The following CMIP variants were observed in gnomAD, a reference collection of about 807,000 sequenced individuals.
CMIP encodes the protein c-Maf inducing protein, also known as C-Maf-inducing protein.
Under a neutral mutation model 97.3 loss-of-function variants are expected in CMIP, and 13 were observed. That is an observed-to-expected ratio of 0.13 (90% CI 0.09 to 0.21). CMIP has a LOEUF of 0.21. CMIP is among the 10% of genes least tolerant of loss of function. The pLI, the probability that CMIP is intolerant of heterozygous loss-of-function variation, is 1.00. For missense variants in CMIP, 847 were observed against 1,024.9 expected, an observed-to-expected ratio of 0.83 and a Z score of 2.37; for synonymous variants, 538 against 436.3, an observed-to-expected ratio of 1.23 and a Z score of -2.91.
chr16:81,667,799 A>AGAGAGAGAGAGAGAGAGGGTGTGT, intron 7 of CMIP, among the ~76,000 whole-genome samples: 1 of 58,096 alleles, frequency 1.7e-5, no homozygotes, highest in Non-Finnish European at 3.2e-5. Flanking sequence ...AGAGAGAGAG[A>AGAGAGAGAGAGAGAGAGGGTGTGT]GTGTGTGTGT....
chr16:81,597,861 C>A (rs571655407), intron 1 of CMIP, among the ~76,000 whole-genome samples: 4 of 152,218 alleles, frequency 2.6e-5, no homozygotes, highest in African/African-American at 9.6e-5. Flanking sequence ...TGTCTCCCCC[C>A]CAGCTTGATG....
intron 1 of CMIP, among the ~76,000 whole-genome samples, chr16:81,486,590 G>A (rs1044847966): frequency 3.2e-4 from 48 of 152,194 alleles, no homozygotes; most frequent in Admixed American, 8.5e-4. Context: ...CTCCAGTCCC[G>A]CAGAGTTTCC....
At chr16:81,610,481 C>A (rs2091812995) in intron 2 of CMIP, 2 of 985,768 alleles carry the variant, frequency 2.0e-6, no homozygotes, top group African/African-American at 3.5e-5. Context: ...GAGCCGGACT[C>A]CGAGCTAATG....
rs371411297 is a variant in CMIP at position 81,546,197 on chromosome 16, A to G, written c.301-61370A>G. ...GCCAGGAGGCAGGGAATGGCAGCCC[A>G]GGGAAATGAGGAATCCCGATCCTTC... On this transcript the variant is annotated intron_variant, in intron 1 of 20. Transcript: ENST00000537098. Among the ~76,000 whole-genome samples the G allele has an allele frequency of 5.4e-4, 83 of 152,318 alleles. No homozygotes were observed. The Middle Eastern group carries it at 0.01, about 19-fold the overall frequency.
In CMIP at chr16:81,647,184, G is replaced by A. The variant is rs374604968; in HGVS notation, c.478-5019G>A. Among the ~76,000 whole-genome samples, 7 of 152,252 alleles carry A rather than the reference G, an allele frequency of 4.6e-5. No homozygotes were observed. In the South Asian group the frequency reaches 6.2e-4, roughly 14 times the overall value. On this transcript the variant is annotated intron_variant, in intron 3 of 20. Transcript: ENST00000537098. ...GAAGTCGTATCTCTTTATGGTTTTA[G>A]CTTGCGTTTTCCCGAGGGCTAATGA...
chr16:81,639,687 C>G (rs1006367010), intron 3 of CMIP, among the ~76,000 whole-genome samples: 1 of 152,168 alleles, frequency 6.6e-6, no homozygotes, highest in Admixed American at 6.5e-5. Flanking sequence ...TTGGCTGTTA[C>G]GAATGACGCT....
intron 3 of CMIP, among the ~76,000 whole-genome samples, chr16:81,643,915 A>G (rs1029513882): frequency 3.3e-5 from 5 of 152,160 alleles, no homozygotes; most frequent in Non-Finnish European, 7.4e-5. Context: ...CAGACAGCCT[A>G]GTTTCTCAGG....
chr16:81,622,798 T>C (rs1310895681), intron 3 of CMIP, among the ~76,000 whole-genome samples: 1 of 152,200 alleles, frequency 6.6e-6, no homozygotes, highest in African/African-American at 2.4e-5. Context: ...ATTTGTGAAA[T>C]CTGTGAGTAT....
intron 3 of CMIP, among the ~76,000 whole-genome samples, chr16:81,649,422 T>G (rs2092402323): frequency 6.6e-6 from 1 of 152,256 alleles, no homozygotes; most frequent in Non-Finnish European, 1.5e-5. Flanking sequence ...TGCCTCAGAC[T>G]GGTTGCCTCT....
At chr16:81,460,326 TGCCATGGGTGGGTGGCGTCCCTCA>T (rs1180911766) in intron 1 of CMIP, among the ~76,000 whole-genome samples, 1 of 152,126 alleles carries the variant, frequency 6.6e-6, no homozygotes, top group Non-Finnish European at 1.5e-5. Flanking sequence ...TGCCAGCGGT[TGCCATGGGTGGGTGGCGTCCCTCA>T]GCCACTCCTG....
chr16:81,540,428 G>A (rs1468505017), intron 1 of CMIP, among the ~76,000 whole-genome samples: 2 of 151,890 alleles, frequency 1.3e-5, no homozygotes, highest in Admixed American at 6.6e-5. Context: ...TCAGCCTCCC[G>A]AGTAGCTGAG....
At position 81,683,782 on chromosome 16, in the gene CMIP, G is replaced by A. The variant is rs1356643801; in HGVS notation, c.1388+5154G>A. 9.4e-5 allele frequency among the ~76,000 whole-genome samples: 8 copies of A among 85,142 alleles called. No individual in the cohort carries two copies. The East Asian group carries it at 2.2e-3, about 24-fold the overall frequency. 55.9% of individuals were successfully genotyped at this position (85,142 alleles called of 152,430 possible). ...TTTTTTTTTTTTTTTTTTTTTTTGC[G>A]ATGGAGTCACGCTCTCTCACCCAGG... On this transcript the variant is annotated intron_variant, in intron 10 of 20. Transcript: ENST00000537098.
chr16:81,462,730 T>A (rs1287267815), intron 1 of CMIP, among the ~76,000 whole-genome samples: 1 of 152,204 alleles, frequency 6.6e-6, no homozygotes, highest in Non-Finnish European at 1.5e-5. Context: ...TTTAGAGCAG[T>A]TCTTCACTCT....
At chr16:81,458,703 A>G (rs1318516488) in intron 1 of CMIP, among the ~76,000 whole-genome samples, 2 of 152,142 alleles carry the variant, frequency 1.3e-5, no homozygotes, top group East Asian at 1.9e-4. Context: ...GTGATCGGGC[A>G]GGTTGATTAG....
At chr16:81,692,299 C>G (rs897906982) in intron 11 of CMIP, among the ~76,000 whole-genome samples, 2 of 152,220 alleles carry the variant, frequency 1.3e-5, no homozygotes, top group Admixed American at 6.5e-5. Context: ...ACGCCCGGTA[C>G]AACGCTCAGC....
At chr16:81,649,912 C>G (rs553726866) in intron 3 of CMIP, among the ~76,000 whole-genome samples, 1 of 152,198 alleles carries the variant, frequency 6.6e-6, no homozygotes, top group Non-Finnish European at 1.5e-5. Context: ...TCCTCTGGAG[C>G]GGGTAGGGTT....
At chr16:81,528,049 T>A (rs1261462756) in intron 1 of CMIP, among the ~76,000 whole-genome samples, 1 of 152,206 alleles carries the variant, frequency 6.6e-6, no homozygotes, top group African/African-American at 2.4e-5. Flanking sequence ...AGGAGCAGTA[T>A]GGGTGATTTC....
At chr16:81,671,360 G>C (rs1041493707) in intron 8 of CMIP, among the ~76,000 whole-genome samples, 2 of 152,178 alleles carry the variant, frequency 1.3e-5, no homozygotes, top group African/African-American at 4.8e-5. Context: ...AATGGTACAG[G>C]TGTTATCCTC....
chr16:81,452,549 C>G (rs1037602084), intron 1 of CMIP, among the ~76,000 whole-genome samples: 1 of 151,908 alleles, frequency 6.6e-6, no homozygotes, highest in East Asian at 1.9e-4. Flanking sequence ...CAGGGTGGGG[C>G]GAGTGGTGGG....
Sources: allele counts gnomAD v4.1 joint callset (sites outside exome capture counted in the v4.1 genomes callset), GRCh38; gene constraint gnomAD v4.1.1; transcripts MANE v1.5; gene names NCBI Gene and HGNC (gene_info 2026-07-23, HGNC 2026-07-21).